PAPPA: variants seen among roughly 807,000 people sequenced by gnomAD.
PAPPA encodes pappalysin 1.
In PAPPA, 60 loss-of-function variants were observed where a neutral mutation model predicts 164.0. The ratio of observed to expected loss-of-function variants is 0.37; its 90% CI spans 0.30 to 0.45. The LOEUF (loss-of-function observed/expected upper bound fraction) is 0.45, where lower values mean the gene tolerates loss of function less well. Ranked by LOEUF, PAPPA falls within the 20% of genes least tolerant of loss-of-function variation. The pLI is 1.00. For missense variants in PAPPA, 1,782 were observed against 2,087.3 expected (o/e 0.85, Z 2.85); for synonymous variants, 875 against 814.1 (o/e 1.07, Z -1.27).
intron 5 of PAPPA, among the ~76,000 whole-genome samples, chr9:116,224,556 A>T (rs1406638911): frequency 6.6e-6 from 1 of 152,210 alleles, no homozygotes; most frequent in Non-Finnish European, 1.5e-5. Flanking sequence ...TTAGTTTCAT[A>T]GGAGACAAGT....
At chr9:116,201,886 C>T (rs1173414385) in intron 2 of PAPPA, among the ~76,000 whole-genome samples, 1 of 152,174 alleles carries the variant, frequency 6.6e-6, no homozygotes, top group East Asian at 1.9e-4. Flanking sequence ...CAGTGTTCAG[C>T]TCACACAAAC....
In PAPPA at chr9:116,187,681, G is replaced by A. The variant is rs201429158; in HGVS notation, c.943G>A (p.Gly315Ser). Reference protein sequence around the residue: ...SPKVEFSNAHGFLLDTSLEPP... With the variant: ...SPKVEFSNAHSFLLDTSLEPP... ...CAAAGTGGAATTCAGCAATGCCCAC[G>A]GCTTTCTGCTGGACACGAGTCTGGA... Residue 315 changes from glycine to serine, a missense_variant, in exon 2 of 22, where the codon GGC becomes AGC. Transcript: ENST00000328252. The surrounding 1 kb of genome is among the most constrained non-coding windows in gnomAD (Gnocchi z 4.2). 11 of 1,614,108 alleles carry A rather than the reference G, an allele frequency of 6.8e-6. No individual in the cohort carries two copies. The highest frequency in any genetic ancestry group is 5.3e-5 in the African/African-American group (4 of 74,942).
chr9:116,304,906 A>G (rs981391001), intron 10 of PAPPA, among the ~76,000 whole-genome samples: 1 of 152,106 alleles, frequency 6.6e-6, no homozygotes, highest in African/African-American at 2.4e-5. Flanking sequence ...AGCTGTAACT[A>G]AATTTGCCAT....
chr9:116,204,759 A>G (rs1184592496), intron 2 of PAPPA, among the ~76,000 whole-genome samples: 1 of 152,190 alleles, frequency 6.6e-6, no homozygotes, highest in African/African-American at 2.4e-5. Context: ...ATGTATACAC[A>G]GGGACAGCCT....
intron 1 of PAPPA, among the ~76,000 whole-genome samples, chr9:116,162,111 G>T (rs1168175604): frequency 6.6e-6 from 1 of 152,174 alleles, no homozygotes; most frequent in Non-Finnish European, 1.5e-5. Context: ...AGAACTCGAG[G>T]GGAATAAAAG....
rs370197756 is a variant in PAPPA at position 116,182,532 on chromosome 9, T to C, written c.416-4622T>C. ...ATGGGGTCGTCAGACAGACTTGTCT[T>C]GGGGTAATATTTACCATGATGATCT... On this transcript the variant is annotated intron_variant, in intron 1 of 21. Coordinates refer to ENST00000328252, the MANE Select transcript of PAPPA (RefSeq NM_002581.5). Among the ~76,000 whole-genome samples the C allele has an allele frequency of 5.5e-4, 84 of 152,280 alleles. No individual in the cohort carries two copies. In the Middle Eastern group the frequency reaches 0.01, roughly 18 times the overall value.
chr9:116,289,808 GAATAC>G (rs1201026696), intron 9 of PAPPA, among the ~76,000 whole-genome samples: 1 of 152,176 alleles, frequency 6.6e-6, no homozygotes, highest in Non-Finnish European at 1.5e-5. Context: ...GTTTTAGAGA[GAATAC>G]AATTATCAAG....
At chr9:116,325,301 G>A (rs1348379450) in intron 10 of PAPPA, among the ~76,000 whole-genome samples, 3 of 152,212 alleles carry the variant, frequency 2.0e-5, no homozygotes, top group Admixed American at 6.5e-5. Flanking sequence ...AGACTATCAG[G>A]GTTAAATGAT....
rs757237750 is a variant in PAPPA at position 116,352,779 on chromosome 9, C to T, written c.4038C>T (p.Cys1346=). ...CAGAGGCCCTGTGTGAGCTCATGTG[C>T]CTCGCTCCACCCCCTGTGCCCAATG... ...SFPEALCELM[C]LAPPPVPNAD... is the part of the protein sequence containing the mutation. Residue 1346 remains cysteine, a synonymous_variant, in exon 16 of 22, where the codon TGC becomes TGT. Transcript: ENST00000328252. The T allele has an allele frequency of 2.6e-5, 42 of 1,613,770 alleles. No homozygotes were observed. Among genetic ancestry groups the T allele is most frequent in the Non-Finnish European group, 3.5e-5 (41 of 1,179,982 alleles).
intron 9 of PAPPA, among the ~76,000 whole-genome samples, chr9:116,278,351 C>G (rs1845226642): frequency 6.6e-6 from 1 of 152,200 alleles, no homozygotes; most frequent in Non-Finnish European, 1.5e-5. Context: ...GAGAAGGAGA[C>G]TTCAGAGTTT....
intron 15 of PAPPA, 144 bp from the exon 16 acceptor site, chr9:116,352,562 T>A: frequency 1.4e-6 from 1 of 707,982 alleles, no homozygotes. Context: ...TTCCCTAGGC[T>A]CCTCAGTTGG....
At chr9:116,320,457 G>C (rs1007345043) in intron 10 of PAPPA, among the ~76,000 whole-genome samples, 1 of 152,226 alleles carries the variant, frequency 6.6e-6, no homozygotes, top group Admixed American at 6.5e-5. Context: ...AACTCTGGGA[G>C]GGAAGAAGAA....
At chr9:116,376,499 C>A (rs1846655514) in intron 19 of PAPPA, among the ~76,000 whole-genome samples, 1 of 152,172 alleles carries the variant, frequency 6.6e-6, no homozygotes, top group Non-Finnish European at 1.5e-5. Context: ...CTCCACCAAA[C>A]AGCTATGGAG....
intron 2 of PAPPA, among the ~76,000 whole-genome samples, chr9:116,195,426 A>C (rs1423000268): frequency 6.6e-6 from 1 of 152,226 alleles, no homozygotes; most frequent in African/African-American, 2.4e-5. Flanking sequence ...GAACAGTAGA[A>C]GATCAATACA....
At chr9:116,312,444 A>G (rs1845732231) in intron 10 of PAPPA, among the ~76,000 whole-genome samples, 1 of 152,128 alleles carries the variant, frequency 6.6e-6, no homozygotes, top group Non-Finnish European at 1.5e-5. Context: ...TAATGCACTT[A>G]GGAAGCAATA....
At position 116,154,620 on chromosome 9, in the gene PAPPA, G is replaced by A. The variant is rs947652310; in HGVS notation, c.415+33G>A. On this transcript the variant is annotated intron_variant, in intron 1 of 21. Transcript: ENST00000328252. This position sits in a 1 kb window ranked among gnomAD's most constrained non-coding sequence, Gnocchi z 5.2. The stretch of plus-strand genomic sequence containing the variant: ...AGGGCGCCTCGGCGGGCGCTGCACC[G>A]TCCCTGCGGCCCCAGAGGCTCGCGG... 18 of 1,294,542 alleles carry A rather than the reference G, an allele frequency of 1.4e-5. No homozygotes were observed. The highest frequency in any genetic ancestry group is 2.9e-4 in the Middle Eastern group (1 of 3,414). The allele number at this position is 1,294,542 out of a possible 1,614,324, so 80.2% of individuals were successfully genotyped here. A position where few individuals can be genotyped will look rare whatever the true frequency, so the allele number is the denominator to read the frequency against.
At chr9:116,314,305 G>C (rs749107190) in intron 10 of PAPPA, among the ~76,000 whole-genome samples, 2 of 151,766 alleles carry the variant, frequency 1.3e-5, no homozygotes, top group Non-Finnish European at 2.9e-5. Flanking sequence ...TCCTGATCTC[G>C]TGATCCACCT....
intron 19 of PAPPA, among the ~76,000 whole-genome samples, chr9:116,376,218 A>T (rs1846651560): frequency 6.6e-6 from 1 of 152,112 alleles, no homozygotes; most frequent in East Asian, 1.9e-4. Flanking sequence ...ACGGGGTTTC[A>T]CCATGTTGGC....
Position 116,362,625 on chromosome 9 carries a change from G to T in PAPPA, c.4381G>T (p.Asp1461Tyr). 6.2e-7 allele frequency: 1 copy of T among 1,614,132 alleles called. No homozygotes were observed. The change falls in exon 18 of 22, where the codon GAT (aspartate) becomes TAT (tyrosine). Residue 1461 changes from aspartate to tyrosine, a missense_variant. Around this residue, in one of 2 missense-constraint regions of PAPPA, gnomAD observed 1,324 missense variants for 1,656.9 expected, o/e 0.80. Transcript: ENST00000328252. ...LGSNVIHCRK[D>Y]GTWNGSFHVC... ...GAGCAATGTCATTCATTGCCGGAAAGATGGCACCTGGAACGGCTCCTTCCA... is the reference window on the plus strand; with the variant it reads ...GAGCAATGTCATTCATTGCCGGAAATATGGCACCTGGAACGGCTCCTTCCA...
Sources: gnomAD v4.1 joint callset for allele counts (sites outside exome capture counted in the v4.1 genomes callset) on GRCh38, gnomAD v4.1.1 for gene constraint, gnomAD v4.1.1 regional missense constraint, Gnocchi (gnomAD v3.1) non-coding constraint, MANE v1.5 for transcripts, NCBI Gene and HGNC (gene_info 2026-07-23, HGNC 2026-07-21) for gene names.